QDPR: variants seen among roughly 807,000 people sequenced by gnomAD.
The protein encoded by QDPR is dihydropteridine reductase.
QDPR carries 23 observed loss-of-function variants against 31.7 expected under a neutral mutation model. That is an observed-to-expected ratio of 0.73 (90% CI 0.52 to 1.03). QDPR has a LOEUF of 1.03. Among genes scored for constraint, QDPR ranks in the 50% least tolerant of loss-of-function variants. The pLI is 0.00. For synonymous variants in QDPR, 124 were observed against 124.7 expected (o/e 0.99, Z 0.03); for missense variants, 324 against 323.8 (o/e 1.00, Z 0.00).
At chr4:17,503,762 C>A (rs1293456268) in intron 3 of QDPR, among the ~76,000 whole-genome samples, 1 of 152,120 alleles carries the variant, frequency 6.6e-6, no homozygotes, top group Non-Finnish European at 1.5e-5. Flanking sequence ...CCAGCCTGGG[C>A]AACATGGTGA....
rs979455306 is a variant in QDPR, at chr4:17,490,576, G to C, written c.629+86C>G. ...AGACCACCCGGATTGACGATCTCAG[G>C]GAACACAGACTTGTCCTCTGGACCA... On this transcript the variant is annotated intron_variant, in intron 6 of 6. Transcript: ENST00000281243. 1.7e-5 allele frequency: 19 copies of C among 1,140,058 alleles called. No homozygotes were observed. The African/African-American group carries it at 2.9e-4, about 17-fold the overall frequency. The allele number at this position is 1,140,058 out of a possible 1,614,324, so 70.6% of individuals were successfully genotyped here. A position where few individuals can be genotyped will look rare whatever the true frequency, so the allele number is the denominator to read the frequency against.
intron 4 of QDPR, among the ~76,000 whole-genome samples, chr4:17,494,861 G>A (rs1718296072): frequency 6.6e-6 from 1 of 152,192 alleles, no homozygotes. Context: ...CTGTCAGTGG[G>A]AGTGGTAACT....
chr4:17,505,135 G>A (rs1415064098), intron 2 of QDPR, among the ~76,000 whole-genome samples: 3 of 151,714 alleles, frequency 2.0e-5, no homozygotes, highest in Admixed American at 2.0e-4. Context: ...AGAACAGTCT[G>A]TCAGGACAGG....
At chr4:17,490,906 C>CAG (rs1424664398) in intron 5 of QDPR, among the ~76,000 whole-genome samples, 161 bp from the exon 6 acceptor site, 2 of 152,232 alleles carry the variant, frequency 1.3e-5, no homozygotes, top group Admixed American at 6.5e-5. Context: ...GAAAGATAAG[C>CAG]AGAGAGAGAG....
intron 5 of QDPR, among the ~76,000 whole-genome samples, chr4:17,491,748 C>T (rs979592589): frequency 2.0e-5 from 3 of 152,142 alleles, no homozygotes; most frequent in African/African-American, 7.2e-5. Context: ...GGAAGTATTG[C>T]TATGGTCTGA....
intron 4 of QDPR, among the ~76,000 whole-genome samples, chr4:17,499,922 C>T (rs1206652198): frequency 1.3e-5 from 2 of 151,940 alleles, no homozygotes; most frequent in Non-Finnish European, 2.9e-5. Context: ...AAAAAATAAA[C>T]AACTGAGAAG....
At chr4:17,504,583 A>T (rs889412542) in intron 2 of QDPR, 108 bp from the exon 3 acceptor site, 1 of 874,356 alleles carries the variant, frequency 1.1e-6, no homozygotes, top group Admixed American at 1.9e-5. Flanking sequence ...GCCAGTTTAC[A>T]GTACCTGGCA....
intron 4 of QDPR, among the ~76,000 whole-genome samples, chr4:17,501,157 A>G (rs1718547850): frequency 6.6e-6 from 1 of 152,146 alleles, no homozygotes; most frequent in South Asian, 2.1e-4. Flanking sequence ...CATCTAGGAT[A>G]AAGAATCCAC....
intron 3 of QDPR, among the ~76,000 whole-genome samples, 196 bp from the exon 4 acceptor site, chr4:17,502,055 A>G (rs1264141988): frequency 6.6e-6 from 1 of 152,236 alleles, no homozygotes; most frequent in African/African-American, 2.4e-5. Flanking sequence ...GGATTGCCTG[A>G]GGTTCAGCTT....
rs943700367 is a variant in QDPR at position 17,502,666 on chromosome 4, G to C, written c.296-807C>G. 2.6e-5 allele frequency among the ~76,000 whole-genome samples: 4 copies of C among 152,214 alleles called. No individual in the cohort carries two copies. In the East Asian group the frequency reaches 7.7e-4, roughly 29 times the overall value. The stretch of plus-strand genomic sequence containing the variant: ...GCACCACTCTCACATTGACATGTGG[G>C]TCACAGAATGTCAACGTCTTTTTAA... On this transcript the variant is annotated intron_variant, in intron 3 of 6. Coordinates refer to ENST00000281243, the MANE Select transcript of QDPR (RefSeq NM_000320.3).
intron 3 of QDPR, among the ~76,000 whole-genome samples, chr4:17,503,215 A>G (rs1718632625): frequency 6.6e-6 from 1 of 152,246 alleles, no homozygotes; most frequent in Admixed American, 6.5e-5. Context: ...AAAAAGTCTT[A>G]TCACAGGGGA....
Position 17,507,815 on chromosome 4 carries a change from G to A in QDPR, c.198+1456C>T, listed in dbSNP as rs188652609. On this transcript the variant is annotated intron_variant, in intron 2 of 6. Coordinates refer to ENST00000281243, the MANE Select transcript of QDPR (RefSeq NM_000320.3). ...GACGGGGTTTCACCATGTTGGCCAG[G>A]ATGGTCTTGATCTCCTGACCTCGTG... Among the ~76,000 whole-genome samples, 33 of 152,124 alleles carry A rather than the reference G, an allele frequency of 2.2e-4. 1 individual carries two copies. In the East Asian group the frequency reaches 6.2e-3, roughly 29 times the overall value.
chr4:17,496,945 T>C (rs1193593842), intron 4 of QDPR, among the ~76,000 whole-genome samples: 2 of 152,098 alleles, frequency 1.3e-5, no homozygotes, highest in East Asian at 1.9e-4. Flanking sequence ...TTAGTAGAGA[T>C]GGGGTTTGAC....
At chr4:17,489,329 A>C (rs749405297) in intron 6 of QDPR, among the ~76,000 whole-genome samples, 12 of 152,352 alleles carry the variant, frequency 7.9e-5, no homozygotes, top group Middle Eastern at 3.4e-3. Flanking sequence ...GCACGAGTTC[A>C]GACACAAGAT....
chr4:17,495,128 A>C (rs1042270332), intron 4 of QDPR, among the ~76,000 whole-genome samples: 1 of 152,190 alleles, frequency 6.6e-6, no homozygotes, highest in African/African-American at 2.4e-5. Context: ...CTCCAGATCA[A>C]GCAGTCATCT....
intron 3 of QDPR, among the ~76,000 whole-genome samples, chr4:17,503,220 A>G (rs975054997): frequency 2.6e-5 from 4 of 152,226 alleles, no homozygotes; most frequent in African/African-American, 7.2e-5. Flanking sequence ...GTCTTATCAC[A>G]GGGGATTTTT....
intron 2 of QDPR, among the ~76,000 whole-genome samples, chr4:17,507,845 G>C (rs1361630613): frequency 6.6e-6 from 1 of 151,896 alleles, no homozygotes; most frequent in Non-Finnish European, 1.5e-5. Flanking sequence ...CTCGTGATCC[G>C]CCCATCTCAG....
rs889412542 is a variant in QDPR, at chr4:17,504,583, A to C, written c.199-108T>G. Reference sequence around the variant, plus strand: ...TTCTCTTCTTTTTAAGCCAGTTTACAGTACCTGGCAATTAATGCTTTGAGA... The same window carrying C: ...TTCTCTTCTTTTTAAGCCAGTTTACCGTACCTGGCAATTAATGCTTTGAGA... On this transcript the variant is annotated intron_variant, in intron 2 of 6. Transcript: ENST00000281243. 8.0e-6 allele frequency: 7 copies of C among 874,356 alleles called. No homozygotes were observed. In the Admixed American group the frequency reaches 9.7e-5, roughly 12 times the overall value. 54.2% of individuals were successfully genotyped at this position (874,356 alleles called of 1,614,324 possible).
chr4:17,501,985 G>T, intron 3 of QDPR, 126 bp from the exon 4 acceptor site: 1 of 1,151,544 alleles, frequency 8.7e-7, no homozygotes, highest in East Asian at 2.4e-5. Context: ...CTACAGCAAG[G>T]TCTAACACAA....
Sources: gnomAD v4.1 joint callset for allele counts (sites outside exome capture counted in the v4.1 genomes callset) on GRCh38, gnomAD v4.1.1 for gene constraint, MANE v1.5 for transcripts, NCBI Gene and HGNC (gene_info 2026-07-23, HGNC 2026-07-21) for gene names.